Variants in CREBBP observed in about 807,000 individuals in gnomAD.
CREBBP encodes CREB binding lysine acetyltransferase.
A neutral mutation model predicts 265.0 loss-of-function variants in CREBBP; 19 were observed. The ratio of observed to expected loss-of-function variants is 0.07; its 90% CI spans 0.05 to 0.11. The LOEUF (loss-of-function observed/expected upper bound fraction) is 0.11, where lower values mean the gene tolerates loss of function less well. CREBBP is among the 10% of genes least tolerant of loss of function. CREBBP has a pLI of 1.00. For missense variants in CREBBP, 2,525 were observed against 3,219.0 expected (o/e 0.78, Z 5.22); for synonymous variants, 1,457 against 1,223.7 (o/e 1.19, Z -3.98).
intron 1 of CREBBP, among the ~76,000 whole-genome samples, chr16:3,860,727 T>C (rs2141542526): frequency 6.6e-6 from 1 of 152,082 alleles, no homozygotes; most frequent in South Asian, 2.1e-4. Context: ...CAAAGCATCC[T>C]GGAAAAGTTC....
At chr16:3,865,306 G>A (rs2055155450) in intron 1 of CREBBP, among the ~76,000 whole-genome samples, 1 of 152,196 alleles carries the variant, frequency 6.6e-6, no homozygotes, top group South Asian at 2.1e-4. Context: ...AGACAAGACT[G>A]GAAATAACCT....
intron 5 of CREBBP, among the ~76,000 whole-genome samples, chr16:3,787,652 GTTT>G (rs1407207271): frequency 1.3e-5 from 2 of 149,392 alleles, no homozygotes; most frequent in East Asian, 3.9e-4. Flanking sequence ...TTTTGTTTTG[GTTT>G]TTTGTTTTGT....
chr16:3,812,436 C>A (rs1464707258), intron 2 of CREBBP, among the ~76,000 whole-genome samples: 1 of 152,046 alleles, frequency 6.6e-6, no homozygotes, highest in African/African-American at 2.4e-5. Flanking sequence ...ACCTTGGCCT[C>A]CCAATGTACT....
chr16:3,749,831 G>A (rs969346529), intron 20 of CREBBP, 148 bp from the exon 21 acceptor site: 38 of 604,730 alleles, frequency 6.3e-5, no homozygotes, highest in African/African-American at 2.6e-4. Flanking sequence ...ATGTAATAAC[G>A]GAATGAACAG....
chr16:3,767,433 A>G (rs1213363545), intron 16 of CREBBP: 3 of 541,738 alleles, frequency 5.5e-6, no homozygotes, highest in Non-Finnish European at 9.9e-6. Context: ...GGACCCAGAC[A>G]CATTTCAACT....
At chr16:3,861,569 A>C (rs2055073277) in intron 1 of CREBBP, among the ~76,000 whole-genome samples, 1 of 151,860 alleles carries the variant, frequency 6.6e-6, no homozygotes, top group Admixed American at 6.6e-5. Flanking sequence ...GATCTGTGGC[A>C]ATTCTAGTAG....
At chr16:3,828,592 TA>T (rs1488583905) in intron 2 of CREBBP, among the ~76,000 whole-genome samples, 1 of 152,232 alleles carries the variant, frequency 6.6e-6, no homozygotes, top group Non-Finnish European at 1.5e-5. Flanking sequence ...ACCTGTTCTA[TA>T]AATTTCGTGC....
intron 28 of CREBBP, among the ~76,000 whole-genome samples, 164 bp from the exon 29 acceptor site, chr16:3,732,101 C>A (rs899584707): frequency 2.0e-5 from 3 of 152,176 alleles, no homozygotes; most frequent in Non-Finnish European, 4.4e-5. Flanking sequence ...GTGCTGCAGC[C>A]TTCGGGACAG....
intron 1 of CREBBP, among the ~76,000 whole-genome samples, chr16:3,873,562 C>T (rs1410881216): frequency 6.6e-6 from 1 of 152,200 alleles, no homozygotes; most frequent in African/African-American, 2.4e-5. Context: ...CAAGGTACGA[C>T]AACGTCCCTG....
chr16:3,876,680 C>T (rs746092366), intron 1 of CREBBP, among the ~76,000 whole-genome samples: 5 of 152,126 alleles, frequency 3.3e-5, no homozygotes, highest in East Asian at 1.9e-4. Flanking sequence ...CAAGAAAATG[C>T]TACTTTAACA....
intron 23 of CREBBP, chr16:3,742,413 G>C (rs2052238841): frequency 6.6e-6 from 1 of 152,230 alleles, no homozygotes; most frequent in Admixed American, 6.5e-5. Context: ...ATACATGTGT[G>C]AAAGTAGACT....
intron 19 of CREBBP, among the ~76,000 whole-genome samples, chr16:3,754,556 A>G (rs957691556): frequency 1.3e-5 from 2 of 152,178 alleles, no homozygotes; most frequent in African/African-American, 4.8e-5. Flanking sequence ...ATGGAACTGC[A>G]TAGTTTATCT....
chr16:3,762,267 T>C (rs1217069144), intron 16 of CREBBP, among the ~76,000 whole-genome samples: 1 of 151,722 alleles, frequency 6.6e-6, no homozygotes, highest in African/African-American at 2.4e-5. Context: ...TAATCGGGAG[T>C]GACAGGGCCT....
Position 3,736,040 on chromosome 16 carries a change from G to C in CREBBP, c.4724C>G (p.Thr1575Ser), listed in dbSNP as rs1567269207. Residue 1575 changes from threonine to serine, a missense_variant, in exon 28 of 31, where the codon ACT (threonine) becomes AGT (serine). Transcript: ENST00000262367. The stretch of plus-strand genomic sequence containing the variant: ...AGCTCAGAGAAGGGTCTGTACCTCA[G>C]TGGTTTCACTGGCTGCAGTGCTCTC... ...KEESTAASET[T>S]EGSQGDSKNA... 1 of 1,614,214 alleles carries C rather than the reference G, an allele frequency of 6.2e-7. No homozygotes were observed. The highest frequency in any genetic ancestry group is 2.2e-5 in the East Asian group (1 of 44,888).
intron 2 of CREBBP, among the ~76,000 whole-genome samples, chr16:3,837,691 A>G (rs894610096): frequency 6.6e-6 from 1 of 151,560 alleles, no homozygotes; most frequent in African/African-American, 2.4e-5. Context: ...ATAAGTACAA[A>G]TACGTTTGTA....
chr16:3,842,901 G>C (rs182077898), intron 2 of CREBBP, among the ~76,000 whole-genome samples: 1 of 149,718 alleles, frequency 6.7e-6, no homozygotes, highest in African/African-American at 2.5e-5. Flanking sequence ...GGGAGGCAGG[G>C]GTTGCAGTGA....
chr16:3,869,329 T>C (rs1003125922), intron 1 of CREBBP, among the ~76,000 whole-genome samples: 6 of 152,234 alleles, frequency 3.9e-5, no homozygotes, highest in Non-Finnish European at 1.5e-5. Flanking sequence ...AGGGCCTACA[T>C]CACAGCATAA....
At chr16:3,756,886 C>G (rs1019882326) in intron 19 of CREBBP, among the ~76,000 whole-genome samples, 5 of 152,168 alleles carry the variant, frequency 3.3e-5, no homozygotes, top group African/African-American at 1.2e-4. Flanking sequence ...ACGGGCAGGG[C>G]TGAAGAAATA....
intron 1 of CREBBP, among the ~76,000 whole-genome samples, chr16:3,876,399 C>CA (rs71133663): frequency 0.23 from 4,242 of 18,052 alleles, 983 homozygotes; most frequent in Non-Finnish European, 0.28. Flanking sequence ...TAAAGCTGAC[C>CA]AAAAAAAAAA....
Sources: gnomAD v4.1 joint callset for allele counts (sites outside exome capture counted in the v4.1 genomes callset) on GRCh38, gnomAD v4.1.1 for gene constraint, MANE v1.5 for transcripts, NCBI Gene and HGNC (gene_info 2026-07-23, HGNC 2026-07-21) for gene names.